The following ATXN7L1 variants were observed in gnomAD, a reference collection of about 807,000 sequenced individuals.
The protein encoded by ATXN7L1 is ataxin 7 like 1, also known as ataxin-7-like protein 1.
In ATXN7L1, 15 loss-of-function variants were observed where a neutral mutation model predicts 70.8. That is an observed-to-expected ratio of 0.21 (90% CI 0.14 to 0.33). The LOEUF (loss-of-function observed/expected upper bound fraction) is 0.33. ATXN7L1 is among the 10% of genes least tolerant of loss of function. The pLI is 1.00. For synonymous variants in ATXN7L1, 440 were observed against 445.1 expected (o/e 0.99, Z 0.14); for missense variants, 975 against 1,097.1 (o/e 0.89, Z 1.57).
At chr7:105,621,281 C>T (rs1482414288) in intron 8 of ATXN7L1, among the ~76,000 whole-genome samples, 1 of 152,198 alleles carries the variant, frequency 6.6e-6, no homozygotes, top group Non-Finnish European at 1.5e-5. Context: ...CTTATCAAGA[C>T]TCTCATTTCC....
intron 3 of ATXN7L1, among the ~76,000 whole-genome samples, chr7:105,669,919 CAAAAAAAA>C (rs756313448): frequency 1.4e-5 from 1 of 71,280 alleles, no homozygotes; most frequent in Non-Finnish European, 2.9e-5. Context: ...AACTCCATCT[CAAAAAAAA>C]AAAAAAAAAA....
Position 105,642,977 on chromosome 7 carries a change from A to G in ATXN7L1, c.723T>C (p.Ile241=). The stretch of plus-strand genomic sequence containing the variant: ...CTGACTTGGACATCAGGACAGGCTT[A>G]ATTAAAGGAGGGGTGGAGACGGCAG... ...SSSAVSTPPL[I]KPVLMSKSVP... is the part of the protein sequence containing the mutation. The change falls in exon 5 of 12, where the codon ATT becomes ATC. Residue 241 remains isoleucine (I), a synonymous_variant. Coordinates refer to ENST00000419735, the MANE Select transcript of ATXN7L1 (RefSeq NM_020725.2). 2 of 1,551,750 alleles carry G rather than the reference A, an allele frequency of 1.3e-6. No homozygotes were observed. Among genetic ancestry groups the G allele is most frequent in the Non-Finnish European group, 1.7e-6 (2 of 1,146,996 alleles).
intron 2 of ATXN7L1, among the ~76,000 whole-genome samples, chr7:105,797,493 C>T (rs1806170339): frequency 6.6e-6 from 1 of 152,198 alleles, no homozygotes; most frequent in Non-Finnish European, 1.5e-5. Context: ...CAGGTCTCGC[C>T]CAGAGTTGAG....
intron 2 of ATXN7L1, among the ~76,000 whole-genome samples, chr7:105,846,058 A>C (rs972803447): frequency 6.6e-6 from 1 of 152,206 alleles, no homozygotes; most frequent in Non-Finnish European, 1.5e-5. Context: ...GACATCATCA[A>C]AATTAAAAGC....
intron 3 of ATXN7L1, among the ~76,000 whole-genome samples, chr7:105,748,068 A>G (rs1471303574): frequency 1.3e-5 from 2 of 151,702 alleles, no homozygotes; most frequent in East Asian, 3.9e-4. Flanking sequence ...TGGTGAGCCA[A>G]GATCGTGCCA....
At chr7:105,731,817 G>C (rs1427714899) in intron 3 of ATXN7L1, among the ~76,000 whole-genome samples, 1 of 71,444 alleles carries the variant, frequency 1.4e-5, no homozygotes, top group African/African-American at 6.8e-5. Context: ...ACCCAGCTGG[G>C]TGCAGTGGCT....
chr7:105,777,865 C>T (rs1802961072), intron 3 of ATXN7L1, among the ~76,000 whole-genome samples: 1 of 152,228 alleles, frequency 6.6e-6, no homozygotes, highest in Admixed American at 6.5e-5. Flanking sequence ...CATTCTGGTC[C>T]TTGTCTACTA....
chr7:105,671,104 C>CAAAAAAAAA lies in ATXN7L1; in HGVS notation c.356-5825_356-5817dup, dbSNP rs71155469. Among the ~76,000 whole-genome samples the CAAAAAAAAA allele has an allele frequency of 1.5e-3, 135 of 89,682 alleles. 5 individuals carry two copies. Among genetic ancestry groups the CAAAAAAAAA allele is most frequent in the South Asian group, 4.0e-3 (8 of 2,000 alleles). 58.8% of individuals were successfully genotyped at this position (89,682 alleles called of 152,430 possible). A position where few individuals can be genotyped will look rare whatever the true frequency, so the allele number is the denominator to read the frequency against. ...CCTGGGCGACAGCGAGACTACGTCT[C>CAAAAAAAAA]AAAAAAAAAAAAAAAAAAAAAAAAA... On this transcript the variant is annotated intron_variant, in intron 3 of 11. Coordinates refer to ENST00000419735, the MANE Select transcript of ATXN7L1 (RefSeq NM_020725.2).
At chr7:105,703,699 C>G (rs181999097) in intron 3 of ATXN7L1, among the ~76,000 whole-genome samples, 438 of 152,310 alleles carry the variant, frequency 2.9e-3, no homozygotes, top group Admixed American at 4.8e-3. Flanking sequence ...GGATGGTGCT[C>G]TGGGCTGCCC....
intron 4 of ATXN7L1, among the ~76,000 whole-genome samples, chr7:105,660,460 A>T (rs1801412106): frequency 1.4e-5 from 2 of 147,650 alleles, no homozygotes; most frequent in South Asian, 2.1e-4. Context: ...CTTAGATAGA[A>T]TTTTTTTTTT....
intron 3 of ATXN7L1, among the ~76,000 whole-genome samples, chr7:105,718,781 C>T (rs1447885984): frequency 6.6e-6 from 1 of 152,210 alleles, no homozygotes; most frequent in African/African-American, 2.4e-5. Context: ...TCTGCCAAGG[C>T]CTGGGTCCAG....
intron 3 of ATXN7L1, among the ~76,000 whole-genome samples, chr7:105,766,996 A>C (rs1035483145): frequency 6.6e-6 from 1 of 152,210 alleles, no homozygotes. Flanking sequence ...TGCAGCAGAG[A>C]GCAGATCTGC....
At chr7:105,767,171 A>G (rs1056518191) in intron 3 of ATXN7L1, among the ~76,000 whole-genome samples, 1 of 152,192 alleles carries the variant, frequency 6.6e-6, no homozygotes, top group Non-Finnish European at 1.5e-5. Context: ...GAAAAGACTG[A>G]TACAAGTGAA....
At chr7:105,723,996 C>T (rs376730855) in intron 3 of ATXN7L1, among the ~76,000 whole-genome samples, 9 of 152,270 alleles carry the variant, frequency 5.9e-5, no homozygotes, top group South Asian at 2.1e-4. Context: ...TTTGATGTAA[C>T]GAGGATATTT....
At chr7:105,805,601 C>A (rs1338857435) in intron 2 of ATXN7L1, among the ~76,000 whole-genome samples, 1 of 152,244 alleles carries the variant, frequency 6.6e-6, no homozygotes, top group Non-Finnish European at 1.5e-5. Context: ...GCGAGACTCA[C>A]AAGCCCACAG....
chr7:105,620,399 A>G, intron 8 of ATXN7L1, 78 bp from the exon 9 acceptor site: 1 of 1,376,270 alleles, frequency 7.3e-7, no homozygotes, highest in South Asian at 1.5e-5. Context: ...AATAACATTT[A>G]CATAAAAACA....
At chr7:105,747,573 A>T (rs1798723078) in intron 3 of ATXN7L1, among the ~76,000 whole-genome samples, 1 of 152,170 alleles carries the variant, frequency 6.6e-6, no homozygotes, top group Admixed American at 6.5e-5. Flanking sequence ...CTGGCAAATT[A>T]ATTGAACCCA....
intron 2 of ATXN7L1, among the ~76,000 whole-genome samples, chr7:105,845,065 C>A (rs1813780602): frequency 1.3e-5 from 2 of 151,702 alleles, no homozygotes; most frequent in African/African-American, 2.4e-5. Context: ...ATTAGCCGGG[C>A]ATCGTGGCGG....
intron 2 of ATXN7L1, among the ~76,000 whole-genome samples, chr7:105,859,694 C>T (rs1193579721): frequency 2.0e-5 from 3 of 152,122 alleles, no homozygotes; most frequent in African/African-American, 7.2e-5. Flanking sequence ...GCCTATTGCA[C>T]ACCTACAAAA....
Sources: allele counts gnomAD v4.1 joint callset (sites outside exome capture counted in the v4.1 genomes callset), GRCh38; gene constraint gnomAD v4.1.1; transcripts MANE v1.5; gene names NCBI Gene and HGNC (gene_info 2026-07-23, HGNC 2026-07-21).